Variants in TXNRD1 observed in about 807,000 individuals in gnomAD.
TXNRD1 encodes the protein thioredoxin reductase 1, cytoplasmic.
TXNRD1 carries 57 observed loss-of-function variants against 80.3 expected under a neutral mutation model. That is an observed-to-expected ratio of 0.71 (90% CI 0.57 to 0.89). The LOEUF is 0.89. Ranked by LOEUF, TXNRD1 falls within the 40% of genes least tolerant of loss-of-function variation. TXNRD1 has a pLI of 0.00. For missense variants in TXNRD1, 730 were observed against 803.0 expected (o/e 0.91, Z 1.10); for synonymous variants, 291 against 285.2 (o/e 1.02, Z -0.20).
chr12:104,311,633 G>C (rs1320158731), intron 5 of TXNRD1, among the ~76,000 whole-genome samples: 1 of 152,202 alleles, frequency 6.6e-6, no homozygotes, highest in Non-Finnish European at 1.5e-5. Context: ...ATAGGGCCCA[G>C]TATTTTGGAA....
intron 6 of TXNRD1, among the ~76,000 whole-genome samples, chr12:104,314,097 G>A (rs1231579880): frequency 1.3e-5 from 2 of 152,164 alleles, no homozygotes; most frequent in East Asian, 3.8e-4. Flanking sequence ...GTCCTTCATG[G>A]TTGTGGCATG....
At chr12:104,332,763 A>G (rs1439658857) in intron 14 of TXNRD1, among the ~76,000 whole-genome samples, 1 of 151,122 alleles carries the variant, frequency 6.6e-6, no homozygotes, top group Non-Finnish European at 1.5e-5. Flanking sequence ...AAAAAAAAAA[A>G]AAAAAAAAGA....
At chr12:104,305,441 ATGAG>A (rs376219520) in intron 4 of TXNRD1, among the ~76,000 whole-genome samples, 23 of 152,338 alleles carry the variant, frequency 1.5e-4, no homozygotes, top group African/African-American at 5.5e-4. Flanking sequence ...CTTAGGATTT[ATGAG>A]TGAGTATCCA....
intron 4 of TXNRD1, among the ~76,000 whole-genome samples, chr12:104,300,290 C>G (rs868292464): frequency 6.6e-6 from 1 of 152,064 alleles, no homozygotes; most frequent in South Asian, 2.1e-4. Context: ...TGTATTGAAC[C>G]CTGGGTAGCA....
chr12:104,347,781 C>T (rs550821970), intron 16 of TXNRD1, among the ~76,000 whole-genome samples: 1 of 152,188 alleles, frequency 6.6e-6, no homozygotes, highest in Non-Finnish European at 1.5e-5. Flanking sequence ...TAGTGATTGA[C>T]TCGAACTCCA....
At chr12:104,311,077 A>G (rs2035116412) in intron 4 of TXNRD1, among the ~76,000 whole-genome samples, 1 of 152,254 alleles carries the variant, frequency 6.6e-6, no homozygotes. Flanking sequence ...AGTAGTTAGC[A>G]GTGACCGTCT....
At chr12:104,218,043 T>C (rs890087951) in intron 1 of TXNRD1, among the ~76,000 whole-genome samples, 27 of 151,954 alleles carry the variant, frequency 1.8e-4, no homozygotes, top group Admixed American at 1.6e-3. Flanking sequence ...ATTTTTTTTT[T>C]CCCGAGATGG....
At chr12:104,238,178 A>G (rs2032779754) in intron 1 of TXNRD1, among the ~76,000 whole-genome samples, 1 of 152,184 alleles carries the variant, frequency 6.6e-6, no homozygotes, top group South Asian at 2.1e-4. Flanking sequence ...TAACCTGCAA[A>G]TTTTGTCATT....
chr12:104,233,962 T>G (rs1266266591), intron 1 of TXNRD1, among the ~76,000 whole-genome samples: 2 of 152,244 alleles, frequency 1.3e-5, no homozygotes, highest in Non-Finnish European at 2.9e-5. Context: ...TTTAGTTAAC[T>G]CTTATTTTGC....
intron 3 of TXNRD1, among the ~76,000 whole-genome samples, chr12:104,267,795 CTTCT>C (rs1490524051): frequency 4.4e-5 from 6 of 137,396 alleles, no homozygotes; most frequent in South Asian, 2.3e-4. Context: ...TCCTTCCTTC[CTTCT>C]TTCCTTCCTT....
intron 10 of TXNRD1, 101 bp downstream of exon 10, chr12:104,321,417 C>T: frequency 2.2e-6 from 2 of 913,338 alleles, no homozygotes; most frequent in Non-Finnish European, 3.4e-6. Flanking sequence ...CATTATAAAC[C>T]ATCAGGAATG....
At chr12:104,336,488 A>G (rs1016301456) in intron 15 of TXNRD1, among the ~76,000 whole-genome samples, 1 of 152,210 alleles carries the variant, frequency 6.6e-6, no homozygotes, top group Non-Finnish European at 1.5e-5. Context: ...ACTTGACTTC[A>G]GTGTCTAAAT....
At chr12:104,294,300 C>G (rs1193225497) in intron 4 of TXNRD1, among the ~76,000 whole-genome samples, 1 of 146,576 alleles carries the variant, frequency 6.8e-6, no homozygotes, top group Non-Finnish European at 1.5e-5. Flanking sequence ...ACACCTTTTG[C>G]TACTGCTGGA....
intron 3 of TXNRD1, among the ~76,000 whole-genome samples, chr12:104,274,725 A>G (rs2033720956): frequency 6.6e-6 from 1 of 150,974 alleles, no homozygotes; most frequent in Admixed American, 6.6e-5. Flanking sequence ...TAATAAAAAA[A>G]ATAATAATAA....
intron 3 of TXNRD1, among the ~76,000 whole-genome samples, chr12:104,263,498 C>T (rs1035339095): frequency 1.3e-5 from 2 of 152,186 alleles, no homozygotes; most frequent in Admixed American, 6.6e-5. Flanking sequence ...GCCACCATGC[C>T]AGCTACACAC....
intron 4 of TXNRD1, among the ~76,000 whole-genome samples, chr12:104,291,784 A>T (rs1459669065): frequency 8.5e-5 from 13 of 152,088 alleles, no homozygotes; most frequent in Non-Finnish European, 1.5e-5. Flanking sequence ...GCCCAGCCCT[A>T]TTTTTGTTTT....
intron 10 of TXNRD1, among the ~76,000 whole-genome samples, chr12:104,322,687 G>T (rs978048518): frequency 9.9e-5 from 15 of 152,168 alleles, no homozygotes; most frequent in Admixed American, 6.5e-4. Flanking sequence ...GCCTGTAGCT[G>T]TTTTTTAGAG....
intron 13 of TXNRD1, among the ~76,000 whole-genome samples, chr12:104,330,285 A>G (rs1354312487): frequency 1.3e-5 from 2 of 152,230 alleles, no homozygotes; most frequent in African/African-American, 4.8e-5. Context: ...GGCTTTTACC[A>G]GATGGCATTA....
intron 1 of TXNRD1, among the ~76,000 whole-genome samples, chr12:104,243,605 G>A (rs531645036): frequency 6.6e-6 from 1 of 152,198 alleles, no homozygotes; most frequent in Non-Finnish European, 1.5e-5. Context: ...AATGAGTTTT[G>A]TTAAGAGGTC....
Sources: gnomAD v4.1 joint callset for allele counts (sites outside exome capture counted in the v4.1 genomes callset) on GRCh38, gnomAD v4.1.1 for gene constraint, MANE v1.5 for transcripts, NCBI Gene and HGNC (gene_info 2026-07-23, HGNC 2026-07-21) for gene names.